STXBP5: variants seen among roughly 807,000 people sequenced by gnomAD.
The protein encoded by STXBP5 is syntaxin-binding protein 5.
STXBP5 carries 50 observed loss-of-function variants against 152.4 expected under a neutral mutation model. That is an observed-to-expected ratio of 0.33 (90% CI 0.26 to 0.42). The LOEUF (loss-of-function observed/expected upper bound fraction) is 0.42, where lower values mean the gene tolerates loss of function less well. STXBP5 is among the 10% of genes least tolerant of loss of function. The probability of loss-of-function intolerance (pLI) is 1.00; values close to 1 mark genes in which losing one functional copy is unlikely to be tolerated. For missense variants in STXBP5, 1,167 were observed against 1,388.6 expected (o/e 0.84, Z 2.54); for synonymous variants, 492 against 494.7 (o/e 0.99, Z 0.07).
chr6:147,266,391 G>A (rs1779894231), intron 6 of STXBP5, among the ~76,000 whole-genome samples: 1 of 152,096 alleles, frequency 6.6e-6, no homozygotes, highest in Admixed American at 6.6e-5. Context: ...ACCCGAAAAG[G>A]AATCTTTGTG....
chr6:147,219,673 T>C (rs2115078810), intron 2 of STXBP5, among the ~76,000 whole-genome samples: 2 of 152,222 alleles, frequency 1.3e-5, no homozygotes, highest in Middle Eastern at 6.8e-3. Flanking sequence ...ATTGTGGGCA[T>C]AGATTTGTTT....
intron 4 of STXBP5, among the ~76,000 whole-genome samples, chr6:147,245,495 T>C (rs1778767559): frequency 6.6e-6 from 1 of 152,196 alleles, no homozygotes; most frequent in Non-Finnish European, 1.5e-5. Flanking sequence ...AGCTACAGCA[T>C]CTCAATCTTC....
Position 147,313,874 on chromosome 6 carries a change from G to T in STXBP5, c.1146-10G>T. The T allele has an allele frequency of 6.7e-7, 1 of 1,485,118 alleles. No homozygotes were observed. Among genetic ancestry groups the T allele is most frequent in the Non-Finnish European group, 9.1e-7 (1 of 1,093,082 alleles). 92.0% of individuals were successfully genotyped at this position (1,485,118 alleles called of 1,614,324 possible). On this transcript the variant is annotated splice_polypyrimidine_tract_variant and intron_variant, in intron 11 of 27. Coordinates refer to ENST00000321680, the MANE Select transcript of STXBP5 (RefSeq NM_001127715.4). ...AATTAATAAATACTTTTCTTTTTCT[G>T]TTGTTAAAGATATCCTATATTTGAA...
At chr6:147,364,784 T>G (rs537630793) in intron 25 of STXBP5, among the ~76,000 whole-genome samples, 1 of 152,330 alleles carries the variant, frequency 6.6e-6, no homozygotes, top group South Asian at 2.1e-4. Flanking sequence ...GCTAAAATAT[T>G]GATTGATATT....
intron 21 of STXBP5, among the ~76,000 whole-genome samples, chr6:147,339,766 G>A (rs924123312): frequency 6.6e-6 from 1 of 151,576 alleles, no homozygotes; most frequent in African/African-American, 2.4e-5. Flanking sequence ...TATTTTCAAG[G>A]CCCCGTATTT....
intron 8 of STXBP5, among the ~76,000 whole-genome samples, chr6:147,290,811 A>T (rs1781240783): frequency 6.6e-6 from 1 of 152,208 alleles, no homozygotes; most frequent in Admixed American, 6.5e-5. Context: ...TCTGCAATTA[A>T]GAACATTGGA....
intron 7 of STXBP5, among the ~76,000 whole-genome samples, chr6:147,269,987 G>C (rs1270106376): frequency 6.6e-6 from 1 of 152,078 alleles, no homozygotes; most frequent in East Asian, 1.9e-4. Context: ...GAAGAAACAC[G>C]AAACAAACTA....
chr6:147,327,095 C>G (rs1199829912), intron 17 of STXBP5, 30 bp from the exon 18 acceptor site: 1 of 1,599,754 alleles, frequency 6.3e-7, no homozygotes, highest in Non-Finnish European at 8.5e-7. Flanking sequence ...TTTGTTTGTG[C>G]TAAAATGTTT....
chr6:147,298,166 G>T (rs903047014), intron 9 of STXBP5, among the ~76,000 whole-genome samples: 4 of 152,150 alleles, frequency 2.6e-5, no homozygotes, highest in African/African-American at 9.6e-5. Flanking sequence ...GATATTTCAT[G>T]CAAACCGAAA....
At chr6:147,270,772 C>T (rs1260580496) in intron 7 of STXBP5, among the ~76,000 whole-genome samples, 1 of 151,820 alleles carries the variant, frequency 6.6e-6, no homozygotes, top group African/African-American at 2.4e-5. Context: ...ATTATCCAAG[C>T]CAAATATAAT....
intron 3 of STXBP5, among the ~76,000 whole-genome samples, chr6:147,236,184 T>G (rs1778260255): frequency 6.6e-6 from 1 of 152,298 alleles, no homozygotes; most frequent in East Asian, 1.9e-4. Context: ...TATGACAATG[T>G]AAAAACCTCC....
chr6:147,223,306 C>A (rs1018965963), intron 2 of STXBP5, among the ~76,000 whole-genome samples: 5 of 152,080 alleles, frequency 3.3e-5, no homozygotes, highest in Non-Finnish European at 7.4e-5. Context: ...ACATTCATAG[C>A]CCATAATATA....
intron 4 of STXBP5, among the ~76,000 whole-genome samples, chr6:147,255,330 T>C (rs1779303053): frequency 6.6e-6 from 1 of 152,106 alleles, no homozygotes; most frequent in East Asian, 1.9e-4. Context: ...AGGGGAGGGA[T>C]AGCATTAGGA....
At chr6:147,333,672 C>G (rs1463559888) in intron 18 of STXBP5, among the ~76,000 whole-genome samples, 1 of 152,186 alleles carries the variant, frequency 6.6e-6, no homozygotes, top group Non-Finnish European at 1.5e-5. Context: ...AAAGCTTTCT[C>G]AGTGACTGTT....
At chr6:147,253,822 A>G (rs1049939661) in intron 4 of STXBP5, among the ~76,000 whole-genome samples, 2 of 152,238 alleles carry the variant, frequency 1.3e-5, no homozygotes, top group Non-Finnish European at 2.9e-5. Context: ...AAAACATTCC[A>G]TGCTGATGGA....
chr6:147,265,104 C>T (rs1312133164), intron 6 of STXBP5, among the ~76,000 whole-genome samples: 1 of 151,978 alleles, frequency 6.6e-6, no homozygotes, highest in Non-Finnish European at 1.5e-5. Context: ...TGCTGTATCA[C>T]ATGTCCAAGA....
intron 17 of STXBP5, among the ~76,000 whole-genome samples, chr6:147,325,508 A>G (rs1015865812): frequency 2.0e-5 from 3 of 152,264 alleles, no homozygotes; most frequent in Non-Finnish European, 4.4e-5. Flanking sequence ...ATTAACTTGT[A>G]TAAATTGTAA....
intron 18 of STXBP5, among the ~76,000 whole-genome samples, chr6:147,328,371 C>T (rs564679234): frequency 1.3e-5 from 2 of 152,268 alleles, no homozygotes; most frequent in South Asian, 4.1e-4. Context: ...TATTGAAACA[C>T]CGTTTGGGAA....
intron 10 of STXBP5, 100 bp from the exon 11 acceptor site, chr6:147,311,355 C>A: frequency 1.0e-6 from 1 of 996,690 alleles, no homozygotes; most frequent in Non-Finnish European, 1.5e-6. Context: ...GTTAAATACT[C>A]AAGAGAATGA....
Sources: gnomAD v4.1 joint callset for allele counts (sites outside exome capture counted in the v4.1 genomes callset) on GRCh38, gnomAD v4.1.1 for gene constraint, MANE v1.5 for transcripts, NCBI Gene and HGNC (gene_info 2026-07-23, HGNC 2026-07-21) for gene names.